Variants in FARP2 observed in about 807,000 individuals in gnomAD.
FARP2 encodes FERM, ARH/RhoGEF and pleckstrin domain protein 2.
A neutral mutation model predicts 130.5 loss-of-function variants in FARP2; 111 were observed. The observed-to-expected ratio is 0.85, with a 90% CI of 0.73 to 1.00. The LOEUF (loss-of-function observed/expected upper bound fraction) is 1.00, where lower values mean the gene tolerates loss of function less well. Among genes scored for constraint, FARP2 ranks in the 50% least tolerant of loss-of-function variants. FARP2 has a pLI of 0.00. For synonymous variants in FARP2, 504 were observed against 516.9 expected, an observed-to-expected ratio of 0.98 and a Z score of 0.34; for missense variants, 1,385 against 1,346.3, an observed-to-expected ratio of 1.03 and a Z score of -0.45.
At chr2:241,462,133 A>T (rs1359099537) in intron 14 of FARP2, among the ~76,000 whole-genome samples, 1 of 152,228 alleles carries the variant, frequency 6.6e-6, no homozygotes, top group Non-Finnish European at 1.5e-5. Flanking sequence ...ATGCAGGCAC[A>T]CTTAGAATGC....
chr2:241,370,656 C>T (rs1420293600), intron 1 of FARP2, among the ~76,000 whole-genome samples: 2 of 152,154 alleles, frequency 1.3e-5, no homozygotes, highest in African/African-American at 4.8e-5. Context: ...TTATGATTCT[C>T]AGAACTTCAT....
At position 241,463,924 on chromosome 2, in the gene FARP2, A is replaced by G. The variant is rs1291657192; in HGVS notation, c.1837A>G (p.Lys613Glu). 1 of 1,614,062 alleles carries G rather than the reference A, an allele frequency of 6.2e-7. No individual in the cohort carries two copies. Among genetic ancestry groups the G allele is most frequent in the South Asian group, 1.1e-5 (1 of 91,066 alleles). Residue 613 changes from lysine (K) to glutamate (E), a missense_variant, in exon 17 of 27, where the codon AAA becomes GAA. By Grantham distance (56) the Lys-to-Glu change is moderately conservative. Transcript: ENST00000264042. ...GGAAGGGCCCTCCAAAGCCCACACA[A>G]AAGGCAGTCATCAACGAATCGGGGA... ...LWEGPSKAHT[K>E]GSHQRIGDIL...
intron 2 of FARP2, among the ~76,000 whole-genome samples, chr2:241,397,267 T>C (rs1471390111): frequency 6.6e-6 from 1 of 152,172 alleles, no homozygotes. Context: ...CACACCAGCA[T>C]GGCACATGTA....
intron 8 of FARP2, among the ~76,000 whole-genome samples, chr2:241,418,448 C>G (rs924944434): frequency 3.3e-5 from 5 of 152,158 alleles, no homozygotes; most frequent in African/African-American, 7.2e-5. Context: ...TCGGCCTACC[C>G]CCTTAGGATC....
At chr2:241,448,324 A>G (rs1015668703) in intron 13 of FARP2, among the ~76,000 whole-genome samples, 1 of 152,246 alleles carries the variant, frequency 6.6e-6, no homozygotes, top group Non-Finnish European at 1.5e-5. Context: ...GAAACTGCTC[A>G]AAAGCATTTC....
chr2:241,442,103 G>A (rs1183121012), intron 13 of FARP2: 2 of 394,222 alleles, frequency 5.1e-6, no homozygotes, highest in African/African-American at 2.1e-5. Flanking sequence ...CAGGCCAGCC[G>A]GATGCAGCGC....
intron 2 of FARP2, among the ~76,000 whole-genome samples, chr2:241,391,990 AT>A (rs779239295): frequency 7.2e-5 from 11 of 152,238 alleles, no homozygotes; most frequent in Non-Finnish European, 1.5e-4. Flanking sequence ...ACCAGGAGAT[AT>A]GGTGAGCAGC....
Position 241,484,343 on chromosome 2 carries a change from T to C in FARP2, c.2421+12T>C. ...TCCAAGGCATGCTGGTGAGTGGTCT[T>C]GCACCCTGCCTGGGATTTCCACGTG... On this transcript the variant is annotated intron_variant, in intron 21 of 26. Transcript: ENST00000264042. 6.2e-7 allele frequency: 1 copy of C among 1,611,606 alleles called. No individual in the cohort carries two copies. The highest frequency in any genetic ancestry group is 8.5e-7 in the Non-Finnish European group (1 of 1,177,720).
At position 241,468,245 on chromosome 2, in the gene FARP2, CAGA is replaced by C. The variant is rs770977206; in HGVS notation, c.2002_2004del (p.Lys668del). Reference sequence around the variant, plus strand: ...GGCAGTGTACAAGGAGTTTGAGCTGCAGAAGGTCTGCTACTTGCCTCTCAACAC... The same window carrying C: ...GGCAGTGTACAAGGAGTTTGAGCTGCAGGTCTGCTACTTGCCTCTCAACAC... On this transcript the variant is annotated inframe_deletion, in exon 18 of 27. Coordinates refer to ENST00000264042, the MANE Select transcript of FARP2 (RefSeq NM_014808.4). The C allele has an allele frequency of 1.9e-6, 3 of 1,614,074 alleles. No individual in the cohort carries two copies. Among genetic ancestry groups the C allele is most frequent in the Non-Finnish European group, 2.5e-6 (3 of 1,179,984 alleles).
At chr2:241,491,484 T>C in intron 23 of FARP2, 32 bp from the exon 24 acceptor site, 2 of 1,606,446 alleles carry the variant, frequency 1.2e-6, no homozygotes, top group Middle Eastern at 1.7e-4. Context: ...CCACAGGGGG[T>C]TCCCCCTGAG....
At chr2:241,416,354 A>G (rs1408128496) in intron 7 of FARP2, among the ~76,000 whole-genome samples, 2 of 152,144 alleles carry the variant, frequency 1.3e-5, no homozygotes, top group African/African-American at 4.8e-5. Context: ...GGAAGCAGGA[A>G]GCTCTGCTCT....
intron 23 of FARP2, 111 bp downstream of exon 23, chr2:241,491,290 C>T: frequency 2.2e-6 from 2 of 909,854 alleles, no homozygotes; most frequent in South Asian, 3.0e-5. Flanking sequence ...ACACAATCCC[C>T]TTCCACAAGG....
At chr2:241,372,080 T>C (rs1407467418) in intron 1 of FARP2, among the ~76,000 whole-genome samples, 2 of 149,220 alleles carry the variant, frequency 1.3e-5, no homozygotes, top group Non-Finnish European at 3.0e-5. Flanking sequence ...ATTAAATAAA[T>C]AATGACAAGC....
chr2:241,436,393 C>G, intron 11 of FARP2, 88 bp from the exon 12 acceptor site: 1 of 1,129,324 alleles, frequency 8.9e-7, no homozygotes, highest in Non-Finnish European at 1.3e-6. Flanking sequence ...AGGTTTTCTT[C>G]ATGGATACAG....
In FARP2 at chr2:241,491,574, C is replaced by T. The variant is rs1427559890; in HGVS notation, c.2682C>T (p.Arg894=). 3.1e-6 allele frequency: 5 copies of T among 1,613,840 alleles called. No individual in the cohort carries two copies. The African/African-American group carries it at 4.0e-5, about 13-fold the overall frequency. ...QESEDDARGV[R]SSLEGHGQHR... ...CAGAAGATGATGCTCGGGGTGTCCG[C>T]AGCTCCCTGGAGGGGCATGGCCAGC... Residue 894 remains arginine, a synonymous_variant, in exon 24 of 27, where the codon CGC becomes CGT. Coordinates refer to ENST00000264042, the MANE Select transcript of FARP2 (RefSeq NM_014808.4).
intron 12 of FARP2, among the ~76,000 whole-genome samples, chr2:241,441,021 TG>T (rs142128133): frequency 0.026 from 3,982 of 152,272 alleles, 404 homozygotes; most frequent in Admixed American, 0.18. Context: ...AATTAAAAAT[TG>T]TAATTTAATT....
chr2:241,481,000 C>T (rs1297160493), intron 19 of FARP2, among the ~76,000 whole-genome samples: 2 of 146,912 alleles, frequency 1.4e-5, no homozygotes, highest in Non-Finnish European at 3.0e-5. Context: ...AGAAGGATCA[C>T]TTGAGGCCAG....
intron 12 of FARP2, among the ~76,000 whole-genome samples, chr2:241,440,345 C>T (rs369669663): frequency 3.9e-5 from 6 of 152,254 alleles, no homozygotes; most frequent in East Asian, 3.9e-4. Context: ...CGAGGAGTGA[C>T]GCTTAGTGAG....
chr2:241,362,339 C>T (rs919688287), intron 1 of FARP2, among the ~76,000 whole-genome samples: 6 of 152,048 alleles, frequency 3.9e-5, no homozygotes, highest in African/African-American at 1.4e-4. Context: ...CGTGGTGGCT[C>T]ATGCCTGTAA....
Sources: gnomAD v4.1 joint callset for allele counts (sites outside exome capture counted in the v4.1 genomes callset) on GRCh38, gnomAD v4.1.1 for gene constraint, MANE v1.5 for transcripts, NCBI Gene and HGNC (gene_info 2026-07-23, HGNC 2026-07-21) for gene names.